CSNK2A2IP: variants seen among roughly 807,000 people sequenced by gnomAD.
CSNK2A2IP encodes the protein casein kinase 2 subunit alpha' interacting protein.
chr3:88,367,211 G>A, the CSNK2A2IP span, among the ~76,000 whole-genome samples: 4 of 152,146 alleles, frequency 2.6e-5, no homozygotes, highest in East Asian at 1.9e-4. Context: ...GGACCTTCCC[G>A]ATATACACAA....
At chr3:88,461,106 CATT>C in the CSNK2A2IP span, among the ~76,000 whole-genome samples, 63 of 151,768 alleles carry the variant, frequency 4.2e-4, no homozygotes, top group African/African-American at 1.5e-3. Flanking sequence ...AACAAAGAAA[CATT>C]ATTTTGTAGT....
At chr3:88,347,464 C>T in the CSNK2A2IP span, among the ~76,000 whole-genome samples, 1 of 152,046 alleles carries the variant, frequency 6.6e-6, no homozygotes, top group Non-Finnish European at 1.5e-5. Context: ...TTACCCTGAT[C>T]AGTCAGCAGC....
At chr3:88,377,496 C>CT in the CSNK2A2IP span, among the ~76,000 whole-genome samples, 16 of 149,010 alleles carry the variant, frequency 1.1e-4, no homozygotes, top group African/African-American at 2.5e-4. Context: ...ATTACAATTG[C>CT]TTTTTTTTTT....
the CSNK2A2IP span, among the ~76,000 whole-genome samples, chr3:88,381,069 G>C: frequency 6.6e-6 from 1 of 152,142 alleles, no homozygotes; most frequent in African/African-American, 2.4e-5. Context: ...TATGTTTAGT[G>C]GAGAAAAAGC....
At chr3:88,362,598 C>A in the CSNK2A2IP span, among the ~76,000 whole-genome samples, 1 of 152,214 alleles carries the variant, frequency 6.6e-6, no homozygotes, top group Non-Finnish European at 1.5e-5. Flanking sequence ...CTGGGGCTTG[C>A]CCAAGGCCCA....
the CSNK2A2IP span, among the ~76,000 whole-genome samples, chr3:88,395,724 C>A: frequency 1.3e-5 from 2 of 152,178 alleles, no homozygotes; most frequent in African/African-American, 4.8e-5. Context: ...AATACTGAGT[C>A]TACCAATAAA....
chr3:88,414,121 T>C, the CSNK2A2IP span, among the ~76,000 whole-genome samples: 47 of 151,040 alleles, frequency 3.1e-4, no homozygotes, highest in African/African-American at 1.1e-3. Flanking sequence ...AAACAGACTA[T>C]CTCTTAAACT....
chr3:88,462,383 A>T, the CSNK2A2IP span, among the ~76,000 whole-genome samples: 1 of 152,180 alleles, frequency 6.6e-6, no homozygotes. Flanking sequence ...TCCAACAAGC[A>T]TGAGAAACCT....
chr3:88,449,764 CACGATTGTGAA>C, the CSNK2A2IP span, among the ~76,000 whole-genome samples: 1 of 133,164 alleles, frequency 7.5e-6, no homozygotes, highest in Admixed American at 7.5e-5. Context: ...TTTTTCTCTT[CACGATTGTGAA>C]GAGAAAAAAA....
chr3:88,380,701 A>G, the CSNK2A2IP span, among the ~76,000 whole-genome samples: 1 of 152,086 alleles, frequency 6.6e-6, no homozygotes, highest in African/African-American at 2.4e-5. Context: ...ATACTGACCT[A>G]AAATATGAGT....
the CSNK2A2IP span, among the ~76,000 whole-genome samples, chr3:88,425,564 C>G: frequency 1.3e-5 from 2 of 151,922 alleles, no homozygotes; most frequent in Admixed American, 1.3e-4. Flanking sequence ...ACAAACTTGA[C>G]TGAAGAAAAT....
chr3:88,446,044 T>TCTC, the CSNK2A2IP span, among the ~76,000 whole-genome samples: 2 of 55,194 alleles, frequency 3.6e-5, no homozygotes, highest in East Asian at 5.2e-4. Flanking sequence ...CTTTCTTTCT[T>TCTC]TCTTTCTTTC....
At chr3:88,467,113 A>G in the CSNK2A2IP span, 3 of 466,030 alleles carry the variant, frequency 6.4e-6, no homozygotes, top group African/African-American at 4.0e-5. Flanking sequence ...AAACAAAGTT[A>G]TAGGCCAACA....
At chr3:88,359,084 C>T in the CSNK2A2IP span, among the ~76,000 whole-genome samples, 2 of 148,980 alleles carry the variant, frequency 1.3e-5, no homozygotes, top group Non-Finnish European at 1.5e-5. Flanking sequence ...TCTTTTCTAT[C>T]TCATTACTTG....
the CSNK2A2IP span, among the ~76,000 whole-genome samples, chr3:88,384,013 T>G: frequency 5.9e-5 from 9 of 152,154 alleles, no homozygotes; most frequent in Non-Finnish European, 1.2e-4. Flanking sequence ...GTATAGAATA[T>G]AGAATATAAT....
At chr3:88,434,409 A>G in the CSNK2A2IP span, among the ~76,000 whole-genome samples, 3 of 152,284 alleles carry the variant, frequency 2.0e-5, no homozygotes, top group East Asian at 5.8e-4. Flanking sequence ...CCTATTGTCT[A>G]CATCTGAGCT....
the CSNK2A2IP span, among the ~76,000 whole-genome samples, chr3:88,389,992 C>A: frequency 6.6e-6 from 1 of 151,956 alleles, no homozygotes; most frequent in Non-Finnish European, 1.5e-5. Context: ...AGTACCCTCA[C>A]AATGGTCTGG....
chr3:88,401,827 G>C, the CSNK2A2IP span, among the ~76,000 whole-genome samples: 1 of 152,090 alleles, frequency 6.6e-6, no homozygotes, highest in East Asian at 1.9e-4. Context: ...AAAAGGATAT[G>C]TGGGAGAGCA....
chr3:88,460,743 A>G, the CSNK2A2IP span, among the ~76,000 whole-genome samples: 1 of 152,222 alleles, frequency 6.6e-6, no homozygotes, highest in African/African-American at 2.4e-5. Context: ...GTGTATTATT[A>G]TCCTGACTAT....
Sources: gnomAD v4.1 joint callset for allele counts (sites outside exome capture counted in the v4.1 genomes callset) on GRCh38, gnomAD v4.1.1 for gene constraint, MANE v1.5 for transcripts, NCBI Gene and HGNC (gene_info 2026-07-23, HGNC 2026-07-21) for gene names.